Variants in THEMIS2 observed in about 807,000 individuals in gnomAD.
The protein encoded by THEMIS2 is thymocyte selection associated family member 2, also known as protein THEMIS2.
THEMIS2 carries 29 observed loss-of-function variants against 46.8 expected under a neutral mutation model. The ratio of observed to expected loss-of-function variants is 0.62; its 90% CI spans 0.46 to 0.84. The LOEUF is 0.84. Among genes scored for constraint, THEMIS2 ranks in the 40% least tolerant of loss-of-function variants. The probability of loss-of-function intolerance (pLI) is 0.00; values close to 1 mark genes in which losing one functional copy is unlikely to be tolerated. For synonymous variants in THEMIS2, 335 were observed against 349.1 expected (o/e 0.96, Z 0.45); for missense variants, 698 against 834.7 (o/e 0.84, Z 2.02).
At position 27,879,987 on chromosome 1, in the gene THEMIS2, C is replaced by T. The variant is rs2089652067; in HGVS notation, c.579C>T (p.Thr193=). ...QDPALKDLVL[T]CPTLPWHSLI... ...CAGCCCTGAAAGACCTCGTCCTCAC[C>T]TGCCCCACCCTGCCCTGGCATTCCC... Residue 193 remains threonine (T), a synonymous_variant, in exon 3 of 6, where the codon ACC becomes ACT. Transcript: ENST00000373921. The T allele has an allele frequency of 3.1e-6, 5 of 1,612,836 alleles. No homozygotes were observed. Among genetic ancestry groups the T allele is most frequent in the Non-Finnish European group, 4.2e-6 (5 of 1,179,114 alleles).
chr1:27,881,362 A>C (rs2089675720), intron 3 of THEMIS2, among the ~76,000 whole-genome samples: 1 of 149,508 alleles, frequency 6.7e-6, no homozygotes, highest in Admixed American at 6.6e-5. Flanking sequence ...GAGGCAGGAG[A>C]ATGGCGTGAA....
intron 3 of THEMIS2, among the ~76,000 whole-genome samples, chr1:27,881,705 G>A (rs1276115815): frequency 6.6e-6 from 1 of 152,064 alleles, no homozygotes; most frequent in African/African-American, 2.4e-5. Flanking sequence ...GCGGGCGCCT[G>A]TAATCCCAGC....
intron 2 of THEMIS2, among the ~76,000 whole-genome samples, chr1:27,877,109 G>T (rs11247702): frequency 0.21 from 32,402 of 152,138 alleles, 4,266 homozygotes; most frequent in Middle Eastern, 0.36. Context: ...ACCCTCTCCA[G>T]TGGGGAGCTT....
chr1:27,882,898 T>C lies in THEMIS2; in HGVS notation c.1574T>C (p.Ile525Thr), dbSNP rs2089709982. 1.2e-6 allele frequency: 2 copies of C among 1,613,770 alleles called. No individual in the cohort carries two copies. Among genetic ancestry groups the C allele is most frequent in the African/African-American group, 1.3e-5 (1 of 74,822 alleles). ...GACTTGCCAGAGGGGTCTCTCCCCA[T>C]AGCCACAGTGGAGGAGCTGACAGAC... ...QPDLPEGSLP[I>T]ATVEELTDTF... Residue 525 changes from isoleucine (I) to threonine (T), a missense_variant, in exon 4 of 6, where the codon ATA becomes ACA. Ile to Thr is a moderately conservative substitution (Grantham distance 89). Coordinates refer to ENST00000373921, the MANE Select transcript of THEMIS2 (RefSeq NM_001105556.3). The surrounding 1 kb of genome is among the most constrained non-coding windows in gnomAD (Gnocchi z 7.6).
At chr1:27,874,609 G>A (rs558851920) in intron 1 of THEMIS2, among the ~76,000 whole-genome samples, 2 of 151,760 alleles carry the variant, frequency 1.3e-5, no homozygotes, top group Admixed American at 6.6e-5. Context: ...TACTGAGACC[G>A]TGTCTCTACA....
In THEMIS2 at chr1:27,882,048, C is replaced by T; in HGVS notation, c.724C>T (p.His242Tyr). 6.2e-7 allele frequency: 1 copy of T among 1,614,186 alleles called. No individual in the cohort carries two copies. Among genetic ancestry groups the T allele is most frequent in the Non-Finnish European group, 8.5e-7 (1 of 1,180,018 alleles). ...EDVTASSRHVHFIKPLLLSEV... is the reference protein window; with the variant it reads ...EDVTASSRHVYFIKPLLLSEV... ...CGTCACCGCCTCCTCCCGGCACGTC[C>T]ACTTTATCAAACCGCTGCTGCTGAG... Residue 242 changes from histidine (H) to tyrosine (Y), a missense_variant, in exon 4 of 6, where the codon CAC (histidine) becomes TAC (tyrosine). Physicochemically the swap from His to Tyr is moderately conservative, Grantham distance 83. Transcript: ENST00000373921. The surrounding 1 kb of genome is among the most constrained non-coding windows in gnomAD (Gnocchi z 7.6).
Position 27,885,291 on chromosome 1 carries a change from A to AAAG in THEMIS2, c.1720-3_1720-1dup, listed in dbSNP as rs771825849. On this transcript the variant is annotated splice_polypyrimidine_tract_variant and splice_region_variant and intron_variant, in intron 4 of 5. Transcript: ENST00000373921. ...CCTGATGATTTCTGCTTTTTCTCCC[A>AAAG]AAGTCTTCTCAAGTCTTAGGATTGC... 4.3e-6 allele frequency: 7 copies of AAAG among 1,612,496 alleles called. No homozygotes were observed. In the African/African-American group the frequency reaches 8.0e-5, roughly 18 times the overall value.
At chr1:27,881,912 T>C in intron 3 of THEMIS2, 59 bp from the exon 4 acceptor site, 1 of 1,424,228 alleles carries the variant, frequency 7.0e-7, no homozygotes. Flanking sequence ...GCTCTATGCC[T>C]GGGGTGGGGG....
intron 1 of THEMIS2, among the ~76,000 whole-genome samples, chr1:27,875,738 T>C (rs2148632080): frequency 6.6e-6 from 1 of 152,254 alleles, no homozygotes; most frequent in South Asian, 2.1e-4. Flanking sequence ...TCTCACTCTG[T>C]CACCCAGGCT....
In THEMIS2 at chr1:27,872,602, C is replaced by A; in HGVS notation, c.31C>A (p.Arg11Ser). 6.7e-7 allele frequency: 1 copy of A among 1,488,260 alleles called. No individual in the cohort carries two copies. Among genetic ancestry groups the A allele is most frequent in the South Asian group, 1.3e-5 (1 of 79,804 alleles). The allele number at this position is 1,488,260 out of a possible 1,614,324, so 92.2% of individuals were successfully genotyped here. A position where few individuals can be genotyped will look rare whatever the true frequency, so the allele number is the denominator to read the frequency against. Reference protein sequence around the residue: MEPVPLQDFVRALDPASLPRV... With the variant: MEPVPLQDFVSALDPASLPRV... ...GCCGGTGCCGCTGCAGGACTTCGTG[C>A]GCGCCTTGGACCCCGCCTCCCTCCC... is the stretch of plus-strand genomic sequence containing the variant. The change falls in exon 1 of 6, where the codon CGC becomes AGC. Residue 11 changes from arginine to serine, a missense_variant. Arg to Ser is a moderately radical substitution (Grantham distance 110, BLOSUM62 -1). Transcript: ENST00000373921. The surrounding 1 kb of genome is among the most constrained non-coding windows in gnomAD (Gnocchi z 4.9).
At chr1:27,876,054 C>T (rs1028444152) in intron 1 of THEMIS2, among the ~76,000 whole-genome samples, 1 of 152,086 alleles carries the variant, frequency 6.6e-6, no homozygotes, top group Non-Finnish European at 1.5e-5. Context: ...TTGGGCCTCA[C>T]TCTGTCAGTG....
chr1:27,881,375 C>T (rs1483693464), intron 3 of THEMIS2, among the ~76,000 whole-genome samples: 3 of 150,084 alleles, frequency 2.0e-5, no homozygotes, highest in South Asian at 2.1e-4. Flanking sequence ...GGCGTGAACC[C>T]AGGGGCTAGA....
intron 2 of THEMIS2, among the ~76,000 whole-genome samples, chr1:27,878,144 G>A (rs2089615094): frequency 6.9e-6 from 1 of 145,714 alleles, no homozygotes; most frequent in Non-Finnish European, 1.5e-5. Context: ...AAAAAAAAGT[G>A]GGGAGGGGGC....
chr1:27,879,601 G>A, intron 2 of THEMIS2, 43 bp from the exon 3 acceptor site: 1 of 1,532,094 alleles, frequency 6.5e-7, no homozygotes. Context: ...GCCCCACCCT[G>A]ACACCCCACA....
Position 27,882,958 on chromosome 1 carries a change from G to A in THEMIS2, c.1634G>A (p.Cys545Tyr). 6.2e-7 allele frequency: 1 copy of A among 1,613,822 alleles called. No individual in the cohort carries two copies. The highest frequency in any genetic ancestry group is 2.2e-5 in the East Asian group (1 of 44,854). The part of the protein sequence containing the change: ...FYYRLRKLPA[C>Y]EIQAPPPRPP... Reference sequence around the variant, plus strand: ...TATCGTCTTCGGAAGTTACCAGCCTGTGAGATCCAAGCCCCCCCACCCAGG... The same window carrying A: ...TATCGTCTTCGGAAGTTACCAGCCTATGAGATCCAAGCCCCCCCACCCAGG... The change falls in exon 4 of 6, where the codon TGT (cysteine) becomes TAT (tyrosine). Residue 545 changes from cysteine (C) to tyrosine (Y), a missense_variant. By Grantham distance (194) the Cys-to-Tyr change is radical. Transcript: ENST00000373921. This position sits in a 1 kb window ranked among gnomAD's most constrained non-coding sequence, Gnocchi z 7.6.
rs2089583742 is a variant in THEMIS2 at position 27,876,591 on chromosome 1, C to T, written c.98C>T (p.Ser33Phe). ...RVCSGVYFEGSIYEISGNECC... is the reference protein window; with the variant it reads ...RVCSGVYFEGFIYEISGNECC... Reference sequence around the variant, plus strand: ...AATGGAGTCCTTGTCTCCGCAGGCTCCATCTATGAGATCTCTGGGAATGAG... The same window carrying T: ...AATGGAGTCCTTGTCTCCGCAGGCTTCATCTATGAGATCTCTGGGAATGAG... The change falls in exon 2 of 6, where the codon TCC (serine) becomes TTC (phenylalanine). Residue 33 changes from serine (S) to phenylalanine (F), a missense_variant. Physicochemically the swap from Ser to Phe is radical, Grantham distance 155. Coordinates refer to ENST00000373921, the MANE Select transcript of THEMIS2 (RefSeq NM_001105556.3). 3 of 1,613,570 alleles carry T rather than the reference C, an allele frequency of 1.9e-6. No homozygotes were observed. The highest frequency in any genetic ancestry group is 2.5e-6 in the Non-Finnish European group (3 of 1,179,834).
At chr1:27,885,214 C>CTT in intron 4 of THEMIS2, 81 bp from the exon 5 acceptor site, 1 of 1,472,312 alleles carries the variant, frequency 6.8e-7, no homozygotes, top group East Asian at 2.3e-5. Flanking sequence ...GGAAGTGACA[C>CTT]TTAACGTGAA....
intron 4 of THEMIS2, chr1:27,883,818 T>C (rs1270762888): frequency 1.3e-5 from 2 of 152,236 alleles, no homozygotes; most frequent in African/African-American, 4.8e-5. Context: ...TCAGGACAGG[T>C]TGTTTTTAGT....
chr1:27,878,327 T>C, intron 2 of THEMIS2, among the ~76,000 whole-genome samples: 1 of 149,826 alleles, frequency 6.7e-6, no homozygotes, highest in Non-Finnish European at 1.5e-5. Context: ...TCGAAGGCAA[T>C]GAGGAGCCAG....
Sources: gnomAD v4.1 joint callset for allele counts (sites outside exome capture counted in the v4.1 genomes callset) on GRCh38, gnomAD v4.1.1 for gene constraint, Gnocchi (gnomAD v3.1) non-coding constraint, MANE v1.5 for transcripts, NCBI Gene and HGNC (gene_info 2026-07-23, HGNC 2026-07-21) for gene names.